Variants in GABBR2 observed in about 807,000 individuals in gnomAD.
The protein encoded by GABBR2 is G-protein coupled receptor 51.
A neutral mutation model predicts 105.6 loss-of-function variants in GABBR2; 23 were observed. The ratio of observed to expected loss-of-function variants is 0.22; its 90% CI spans 0.16 to 0.31. GABBR2 has a LOEUF of 0.31. GABBR2 is among the 10% of genes least tolerant of loss of function. The pLI is 1.00. For synonymous variants in GABBR2, 478 were observed against 499.7 expected (o/e 0.96, Z 0.58); for missense variants, 734 against 1,245.5 (o/e 0.59, Z 6.18).
intron 11 of GABBR2, among the ~76,000 whole-genome samples, chr9:98,377,838 C>T (rs1368165647): frequency 6.6e-6 from 1 of 152,160 alleles, no homozygotes; most frequent in African/African-American, 2.4e-5. Context: ...CTCCAGTTGG[C>T]CCAATCAGGC....
At chr9:98,637,739 A>G (rs1000207503) in intron 1 of GABBR2, among the ~76,000 whole-genome samples, 2 of 152,184 alleles carry the variant, frequency 1.3e-5, no homozygotes, top group South Asian at 2.1e-4. Flanking sequence ...ATTGTCCCCT[A>G]AAGCCTCCAG....
intron 7 of GABBR2, among the ~76,000 whole-genome samples, chr9:98,434,120 G>A (rs1406719358): frequency 6.6e-6 from 1 of 152,150 alleles, no homozygotes; most frequent in Non-Finnish European, 1.5e-5. Context: ...GCAGAAGAAC[G>A]TGAAAAGCCT....
intron 11 of GABBR2, among the ~76,000 whole-genome samples, chr9:98,377,428 G>T (rs1831895587): frequency 6.6e-6 from 1 of 152,178 alleles, no homozygotes; most frequent in African/African-American, 2.4e-5. Flanking sequence ...ACTCAGAGGG[G>T]TCCCTTATTT....
At chr9:98,512,304 T>C (rs11506944) in intron 3 of GABBR2, among the ~76,000 whole-genome samples, 38,324 of 130,830 alleles carry the variant, frequency 0.29, 6,075 homozygotes, top group Middle Eastern at 0.47. Flanking sequence ...CAATATCATA[T>C]TGAATGGGCA....
chr9:98,516,240 GA>G (rs1375591431), intron 3 of GABBR2: 3 of 152,434 alleles, frequency 2.0e-5, no homozygotes, highest in African/African-American at 7.2e-5. Flanking sequence ...AAGGAGACAA[GA>G]ACACTGAGGA....
rs76102280 is a variant in GABBR2 at position 98,386,798 on chromosome 9, C to T, written c.1530-1026G>A. Among the ~76,000 whole-genome samples the T allele has an allele frequency of 3.2e-3, 485 of 152,298 alleles. 1 individual carries two copies. Among genetic ancestry groups the T allele is most frequent in the African/African-American group, 0.011 (455 of 41,548 alleles). On this transcript the variant is annotated intron_variant, in intron 10 of 18. Transcript: ENST00000259455. ...CCCTTCACATTTTAAACATGCAATA[C>T]GTCAAAGGGAGAGGGAAATAAGAAG... is the stretch of plus-strand genomic sequence containing the variant.
At chr9:98,457,510 T>C (rs1325111165) in intron 6 of GABBR2, among the ~76,000 whole-genome samples, 1 of 152,208 alleles carries the variant, frequency 6.6e-6, no homozygotes, top group African/African-American at 2.4e-5. Flanking sequence ...AAAGTCCCTA[T>C]ATAAACTTTA....
intron 1 of GABBR2, among the ~76,000 whole-genome samples, chr9:98,612,404 C>T (rs1258303333): frequency 6.6e-6 from 1 of 152,208 alleles, no homozygotes; most frequent in African/African-American, 2.4e-5. Flanking sequence ...GTTAGATGCT[C>T]ACCTGTGTGA....
chr9:98,601,991 C>T (rs1348011707), intron 1 of GABBR2, among the ~76,000 whole-genome samples: 1 of 152,106 alleles, frequency 6.6e-6, no homozygotes, highest in Non-Finnish European at 1.5e-5. Context: ...ACTTGAACGG[C>T]TCTTTATTTT....
chr9:98,419,484 A>G (rs1832744877), intron 7 of GABBR2, among the ~76,000 whole-genome samples: 1 of 152,200 alleles, frequency 6.6e-6, no homozygotes, highest in Non-Finnish European at 1.5e-5. Context: ...TGCTGAGAAA[A>G]TAGGCTGGAG....
At chr9:98,335,952 G>A (rs1831107630) in intron 13 of GABBR2, among the ~76,000 whole-genome samples, 1 of 152,216 alleles carries the variant, frequency 6.6e-6, no homozygotes, top group South Asian at 2.1e-4. Context: ...TGGAGAAAGA[G>A]CTCTGAGTAA....
intron 13 of GABBR2, among the ~76,000 whole-genome samples, chr9:98,321,774 T>C (rs1008897074): frequency 1.2e-4 from 18 of 152,264 alleles, no homozygotes; most frequent in South Asian, 2.1e-4. Flanking sequence ...AGTAAGAACA[T>C]GACGACAGCA....
At chr9:98,387,491 C>T (rs1832094835) in intron 10 of GABBR2, among the ~76,000 whole-genome samples, 1 of 152,258 alleles carries the variant, frequency 6.6e-6, no homozygotes, top group African/African-American at 2.4e-5. Context: ...ATGGAGTGGA[C>T]AAAAGTTGCC....
chr9:98,544,901 C>T (rs558139715), intron 2 of GABBR2, among the ~76,000 whole-genome samples: 1 of 152,282 alleles, frequency 6.6e-6, no homozygotes, highest in South Asian at 2.1e-4. Context: ...CTATAGTCCC[C>T]TCAAACCTAC....
intron 1 of GABBR2, among the ~76,000 whole-genome samples, chr9:98,601,165 C>G (rs986250595): frequency 6.6e-6 from 1 of 152,152 alleles, no homozygotes; most frequent in Middle Eastern, 3.2e-3. Context: ...CAAAACAAAA[C>G]GTATCAGAAT....
intron 1 of GABBR2, among the ~76,000 whole-genome samples, chr9:98,639,754 T>C (rs1325162023): frequency 6.6e-6 from 1 of 152,040 alleles, no homozygotes; most frequent in Non-Finnish European, 1.5e-5. Context: ...CAACTTGCAG[T>C]GTCTGCATTG....
chr9:98,439,472 A>G (rs1360442343), intron 7 of GABBR2, among the ~76,000 whole-genome samples: 3 of 152,260 alleles, frequency 2.0e-5, no homozygotes, highest in Admixed American at 2.0e-4. Flanking sequence ...TGTTAATACT[A>G]ACATAAATGT....
At chr9:98,380,800 G>T (rs1014797263) in intron 11 of GABBR2, among the ~76,000 whole-genome samples, 1 of 152,176 alleles carries the variant, frequency 6.6e-6, no homozygotes, top group Non-Finnish European at 1.5e-5. Context: ...ACTCACACAC[G>T]CACCCACCCT....
intron 3 of GABBR2, among the ~76,000 whole-genome samples, chr9:98,506,919 C>A (rs937766818): frequency 6.6e-6 from 1 of 152,126 alleles, no homozygotes; most frequent in Non-Finnish European, 1.5e-5. Context: ...GAAAGTCCTC[C>A]AGAGGGAGGG....
Sources: gnomAD v4.1 joint callset for allele counts (sites outside exome capture counted in the v4.1 genomes callset) on GRCh38, gnomAD v4.1.1 for gene constraint, MANE v1.5 for transcripts, NCBI Gene and HGNC (gene_info 2026-07-23, HGNC 2026-07-21) for gene names.